Variants in NPAS4 observed in about 807,000 individuals in gnomAD.
NPAS4 encodes neuronal PAS domain-containing protein 4.
Under a neutral mutation model 64.0 loss-of-function variants are expected in NPAS4, and 10 were observed. That is an observed-to-expected ratio of 0.16 (90% CI 0.10 to 0.26). The LOEUF (loss-of-function observed/expected upper bound fraction) is 0.26, where lower values mean the gene tolerates loss of function less well. NPAS4 is among the 10% of genes least tolerant of loss of function. The probability of loss-of-function intolerance (pLI) is 1.00; values close to 1 mark genes in which losing one functional copy is unlikely to be tolerated. For synonymous variants in NPAS4, 441 were observed against 411.7 expected, an observed-to-expected ratio of 1.07 and a Z score of -0.86; for missense variants, 886 against 992.6, an observed-to-expected ratio of 0.89 and a Z score of 1.44.
chr11:66,420,201 G>T (rs1856720013), upstream of NPAS4, among the ~76,000 whole-genome samples: 1 of 152,244 alleles, frequency 6.6e-6, no homozygotes, highest in Non-Finnish European at 1.5e-5. Context: ...CCACGTCCCT[G>T]CCTCAGTTTC....
chr11:66,425,115 C>T lies in NPAS4; in HGVS notation c.2225C>T (p.Pro742Leu). Residue 742 changes from proline to leucine, a missense_variant, in exon 7 of 8, where the codon CCT (proline) becomes CTT (leucine). Physicochemically the swap from Pro to Leu is moderately conservative, Grantham distance 98. Around this residue, in one of 3 missense-constraint regions of NPAS4, gnomAD observed 820 missense variants for 855.5 expected, o/e 0.96. Coordinates refer to ENST00000311034, the MANE Select transcript of NPAS4 (RefSeq NM_178864.4). ...EAEGPGGAPS[P>L]CNNLSPEDHS... ...GAGGGCCCAGGAGGGGCCCCATCGCCTTGCAACAACCTGTCCCCAGAAGAC... is the reference window on the plus strand; with the variant it reads ...GAGGGCCCAGGAGGGGCCCCATCGCTTTGCAACAACCTGTCCCCAGAAGAC... 6.2e-7 allele frequency: 1 copy of T among 1,605,230 alleles called. No homozygotes were observed. The highest frequency in any genetic ancestry group is 8.5e-7 in the Non-Finnish European group (1 of 1,176,960).
Position 66,426,133 on chromosome 11 carries a change from G to A in NPAS4, c.*144G>A, listed in dbSNP as rs564057244. The A allele has an allele frequency of 1.9e-5, 9 of 472,040 alleles. 1 individual carries two copies. The highest frequency in any genetic ancestry group is 8.4e-5 in the South Asian group (4 of 47,532). 29.2% of individuals were successfully genotyped at this position (472,040 alleles called of 1,614,324 possible). On this transcript the variant is annotated 3_prime_UTR_variant, in exon 8 of 8. Transcript: ENST00000311034. ...TCCCCAGGCCCTGCAGGATTTTGGG[G>A]GGGGGGAGGTGGGAGGGCAAGGGAG...
At position 66,423,924 on chromosome 11, in the gene NPAS4, C is replaced by T; in HGVS notation, c.1034C>T (p.Ser345Leu). ...CTGGGCACTCCGACCATGCTGCCCT[C>T]ATTCCCTGAAAACATTCTTTCCCAG... ...YVLGTPTMLP[S>L]FPENILSQEE... Residue 345 changes from serine to leucine, a missense_variant, in exon 7 of 8, where the codon TCA becomes TTA. Transcript: ENST00000311034. 2 of 1,614,112 alleles carry T rather than the reference C, an allele frequency of 1.2e-6. No homozygotes were observed. The highest frequency in any genetic ancestry group is 1.7e-6 in the Non-Finnish European group (2 of 1,179,972).
At chr11:66,423,495 A>G (rs1856786003) in intron 5 of NPAS4, 83 bp from the exon 6 acceptor site, 4 of 1,528,352 alleles carry the variant, frequency 2.6e-6, no homozygotes, top group South Asian at 2.3e-5. Flanking sequence ...GGCTATCTCA[A>G]TTCAGTGGAG....
Position 66,426,212 on chromosome 11 carries a change from A to T in NPAS4, c.*223A>T. 1.8e-6 allele frequency: 1 copy of T among 544,054 alleles called. No homozygotes were observed. Among genetic ancestry groups the T allele is most frequent in the South Asian group, 2.2e-5 (1 of 45,442 alleles). 33.7% of individuals were successfully genotyped at this position (544,054 alleles called of 1,614,324 possible). Reference sequence around the variant, plus strand: ...TCGAGCGATCCCAGTTTCCATTTCAATCTGTATTCACTCGTAGTGAGTTTC... The same window carrying T: ...TCGAGCGATCCCAGTTTCCATTTCATTCTGTATTCACTCGTAGTGAGTTTC... On this transcript the variant is annotated 3_prime_UTR_variant, in exon 8 of 8. Coordinates refer to ENST00000311034, the MANE Select transcript of NPAS4 (RefSeq NM_178864.4).
upstream of NPAS4, among the ~76,000 whole-genome samples, chr11:66,417,339 T>G (rs1856682943): frequency 6.6e-6 from 1 of 152,102 alleles, no homozygotes; most frequent in Non-Finnish European, 1.5e-5. Flanking sequence ...ACCAGGAATT[T>G]TTTTTTTTTA....
chr11:66,412,632 T>G, the NPAS4 span, among the ~76,000 whole-genome samples: 3 of 152,262 alleles, frequency 2.0e-5, no homozygotes, highest in African/African-American at 7.2e-5. Flanking sequence ...ATTTTCTGAG[T>G]GTTTTAACTA....
At position 66,423,898 on chromosome 11, in the gene NPAS4, C is replaced by T. The variant is rs1205894618; in HGVS notation, c.1008C>T (p.Val336=). Residue 336 remains valine, a synonymous_variant, in exon 7 of 8, where the codon GTC becomes GTT. Transcript: ENST00000311034. ...CTGAAGACACCCAGGCAGCTTATGT[C>T]CTGGGCACTCCGACCATGCTGCCCT... ...LNSEDTQAAY[V]LGTPTMLPSF... is the part of the protein sequence containing the mutation. The T allele has an allele frequency of 6.2e-7, 1 of 1,613,854 alleles. No homozygotes were observed. Among genetic ancestry groups the T allele is most frequent in the Non-Finnish European group, 8.5e-7 (1 of 1,179,928 alleles).
Position 66,424,634 on chromosome 11 carries a change from G to A in NPAS4, c.1744G>A (p.Gly582Ser). ...EKLPPSPSSP[G>S]NGDCTLLALA... ...GTTGCCCCCAAGTCCTAGCAGCCCT[G>A]GTAATGGGGACTGCACGCTCTTGGC... The change falls in exon 7 of 8, where the codon GGT becomes AGT. Residue 582 changes from glycine to serine, a missense_variant. Coordinates refer to ENST00000311034, the MANE Select transcript of NPAS4 (RefSeq NM_178864.4). The A allele has an allele frequency of 6.2e-7, 1 of 1,614,200 alleles. No individual in the cohort carries two copies.
At position 66,423,906 on chromosome 11, in the gene NPAS4, C is replaced by A; in HGVS notation, c.1016C>A (p.Thr339Asn). The A allele has an allele frequency of 6.2e-7, 1 of 1,614,126 alleles. No individual in the cohort carries two copies. Among genetic ancestry groups the A allele is most frequent in the Non-Finnish European group, 8.5e-7 (1 of 1,179,996 alleles). ...ACCCAGGCAGCTTATGTCCTGGGCACTCCGACCATGCTGCCCTCATTCCCT... is the reference window on the plus strand; with the variant it reads ...ACCCAGGCAGCTTATGTCCTGGGCAATCCGACCATGCTGCCCTCATTCCCT... ...EDTQAAYVLG[T>N]PTMLPSFPEN... The change falls in exon 7 of 8, where the codon ACT becomes AAT. Residue 339 changes from threonine to asparagine, a missense_variant. Physicochemically the swap from Thr to Asn is moderately conservative, Grantham distance 65 (BLOSUM62 0). This residue lies in a region of NPAS4 where 820 missense variants were observed against 855.5 expected (regional missense o/e 0.96). Transcript: ENST00000311034.
chr11:66,425,810 T>C lies in NPAS4; in HGVS notation c.2381-151T>C, dbSNP rs182954844. 5 of 625,994 alleles carry C rather than the reference T, an allele frequency of 8.0e-6. No homozygotes were observed. In the Admixed American group the frequency reaches 9.7e-5, roughly 12 times the overall value. 38.8% of individuals were successfully genotyped at this position (625,994 alleles called of 1,614,324 possible). A position where few individuals can be genotyped will look rare whatever the true frequency, so the allele number is the denominator to read the frequency against. On this transcript the variant is annotated intron_variant, in intron 7 of 7. Transcript: ENST00000311034. ...CACAGTTTCACTCCGTCCATCCAAA[T>C]TGCCCCCTAATCTACTGAGCCTCTG...
intron 2 of NPAS4, 43 bp downstream of exon 2, chr11:66,422,314 G>A (rs752109064): frequency 6.2e-7 from 1 of 1,605,270 alleles, no homozygotes; most frequent in Admixed American, 1.7e-5. Context: ...GGCATGGAGT[G>A]GGTGCCGTGA....
At chr11:66,419,260 A>G (rs1856702539), upstream of NPAS4, among the ~76,000 whole-genome samples, 1 of 152,130 alleles carries the variant, frequency 6.6e-6, no homozygotes, top group Non-Finnish European at 1.5e-5. Context: ...TGTGACACTG[A>G]CCACAGGATG....
chr11:66,423,503 G>C, intron 5 of NPAS4, 75 bp from the exon 6 acceptor site: 1 of 1,556,290 alleles, frequency 6.4e-7, no homozygotes, highest in South Asian at 1.1e-5. Context: ...CAATTCAGTG[G>C]AGAGGTGACC....
chr11:66,416,081 G>A (rs1318362468), upstream of NPAS4, among the ~76,000 whole-genome samples: 2 of 152,180 alleles, frequency 1.3e-5, no homozygotes, highest in East Asian at 3.8e-4. Flanking sequence ...TAGTCTAGAT[G>A]ACAGAGCAAG....
chr11:66,422,918 G>T lies in NPAS4; in HGVS notation c.675G>T (p.Leu225=). 6.2e-7 allele frequency: 1 copy of T among 1,606,520 alleles called. No homozygotes were observed. Among genetic ancestry groups the T allele is most frequent in the Middle Eastern group, 1.7e-4 (1 of 6,060 alleles). ...TCCAGAGCCGCCATGCTAAAGACCTGGCTCTACTGGACATCTCCGAGAGGT... is the reference window on the plus strand; with the variant it reads ...TCCAGAGCCGCCATGCTAAAGACCTTGCTCTACTGGACATCTCCGAGAGGT... ...AMFQSRHAKD[L]ALLDISESVL... is the part of the protein sequence containing the mutation. The change falls in exon 4 of 8, where the codon CTG becomes CTT. Residue 225 remains leucine (L), a synonymous_variant. Coordinates refer to ENST00000311034, the MANE Select transcript of NPAS4 (RefSeq NM_178864.4).
Position 66,423,663 on chromosome 11 carries a change from A to T in NPAS4, c.894A>T (p.Leu298Phe). Reference sequence around the variant, plus strand: ...GCTGGGCATGGATTTACTGCCTGTTATACTCAGAAGGTCCAGAGGGACCCA... The same window carrying T: ...GCTGGGCATGGATTTACTGCCTGTTTTACTCAGAAGGTCCAGAGGGACCCA... Reference protein sequence around the residue: ...TGGWAWIYCLLYSEGPEGPIT... With the variant: ...TGGWAWIYCLFYSEGPEGPIT... The change falls in exon 6 of 8, where the codon TTA becomes TTT. Residue 298 changes from leucine (L) to phenylalanine (F), a missense_variant. Leu to Phe is a conservative substitution (Grantham distance 22). This residue lies in a region of NPAS4 where 820 missense variants were observed against 855.5 expected (regional missense o/e 0.96). Coordinates refer to ENST00000311034, the MANE Select transcript of NPAS4 (RefSeq NM_178864.4). The T allele has an allele frequency of 6.2e-7, 1 of 1,614,166 alleles. No homozygotes were observed. Among genetic ancestry groups the T allele is most frequent in the Non-Finnish European group, 8.5e-7 (1 of 1,180,028 alleles).
chr11:66,425,348 TCC>T (rs1339492557), intron 7 of NPAS4, 78 bp downstream of exon 7: 5 of 737,298 alleles, frequency 6.8e-6, no homozygotes, highest in Non-Finnish European at 1.1e-5. Context: ...GCAAATCAAT[TCC>T]CCCTCTCTGT....
chr11:66,416,449 G>T (rs181576464), upstream of NPAS4, among the ~76,000 whole-genome samples: 2 of 152,340 alleles, frequency 1.3e-5, no homozygotes, highest in East Asian at 3.9e-4. Context: ...GAGTGATATG[G>T]CTGCAGTGGC....
Sources: gnomAD v4.1 joint callset for allele counts (sites outside exome capture counted in the v4.1 genomes callset) on GRCh38, gnomAD v4.1.1 for gene constraint, gnomAD v4.1.1 regional missense constraint, MANE v1.5 for transcripts, NCBI Gene and HGNC (gene_info 2026-07-23, HGNC 2026-07-21) for gene names.